The following APOLD1 variants were observed in gnomAD, a reference collection of about 807,000 sequenced individuals.
APOLD1 encodes the protein apolipoprotein L domain containing 1, also known as apolipoprotein L domain-containing protein 1.
A neutral mutation model predicts 15.3 loss-of-function variants in APOLD1; 22 were observed. The ratio of observed to expected loss-of-function variants is 1.44; its 90% CI spans 1.03 to 2.05. The LOEUF is 2.05. Ranked by LOEUF, APOLD1 falls within the 30% of genes most tolerant of loss-of-function variation. The probability of loss-of-function intolerance (pLI) is 0.00; values close to 1 mark genes in which losing one functional copy is unlikely to be tolerated. For missense variants in APOLD1, 394 were observed against 353.5 expected (o/e 1.11, Z -0.92); for synonymous variants, 190 against 167.4 (o/e 1.13, Z -1.04).
intron 1 of APOLD1, among the ~76,000 whole-genome samples, chr12:12,749,653 A>C (rs1274783396): frequency 6.6e-6 from 1 of 152,184 alleles, no homozygotes; most frequent in Admixed American, 6.5e-5. Flanking sequence ...CAATCAGAGC[A>C]ACTGCGGACC....
At chr12:12,745,858 G>C (rs923029958) in intron 1 of APOLD1, among the ~76,000 whole-genome samples, 9 of 152,192 alleles carry the variant, frequency 5.9e-5, no homozygotes, top group Middle Eastern at 3.4e-3. Flanking sequence ...CCGCATGCTT[G>C]CTCTGTACTT....
intron 1 of APOLD1, among the ~76,000 whole-genome samples, chr12:12,754,695 T>G (rs1946842967): frequency 6.6e-6 from 1 of 151,924 alleles, no homozygotes; most frequent in Non-Finnish European, 1.5e-5. Flanking sequence ...CACCCCAAAG[T>G]GCTGGGATTA....
chr12:12,774,192 T>C (rs1392304276), intron 1 of APOLD1, among the ~76,000 whole-genome samples: 2 of 152,126 alleles, frequency 1.3e-5, no homozygotes, highest in Non-Finnish European at 2.9e-5. Flanking sequence ...AAAAGACATA[T>C]TTGATAAAGG....
At position 12,729,000 on chromosome 12, in the gene APOLD1, T is replaced by C. The variant is rs1258735977; in HGVS notation, c.96+2904T>C. On this transcript the variant is annotated intron_variant, in intron 1 of 1. Coordinates refer to the APOLD1 transcript ENST00000326765. ...TACACTAAATTCTGATAATAGGTTCTGATCATCCTGTTTCGTTCCTTTGTT... is the reference window on the plus strand; with the variant it reads ...TACACTAAATTCTGATAATAGGTTCCGATCATCCTGTTTCGTTCCTTTGTT... Among the ~76,000 whole-genome samples the C allele has an allele frequency of 2.6e-5, 4 of 152,356 alleles. No homozygotes were observed. The East Asian group carries it at 7.7e-4, about 29-fold the overall frequency.
chr12:12,729,350 G>T (rs1483396014), intron 1 of APOLD1, among the ~76,000 whole-genome samples: 1 of 111,646 alleles, frequency 9.0e-6, no homozygotes, highest in African/African-American at 3.7e-5. Flanking sequence ...AACCTCAAAG[G>T]ATTTTTAAAA....
At chr12:12,761,421 G>C (rs1946897551) in intron 1 of APOLD1, among the ~76,000 whole-genome samples, 1 of 152,064 alleles carries the variant, frequency 6.6e-6, no homozygotes, top group Non-Finnish European at 1.5e-5. Flanking sequence ...TTGTTCATTA[G>C]TTGTAAGTGT....
At chr12:12,755,480 TGAAA>T (rs1260751728) in intron 1 of APOLD1, among the ~76,000 whole-genome samples, 6 of 152,200 alleles carry the variant, frequency 3.9e-5, no homozygotes, top group African/African-American at 1.4e-4. Flanking sequence ...AGTTACAATC[TGAAA>T]GAAGATATTG....
At chr12:12,768,232 T>C (rs946118466) in intron 1 of APOLD1, among the ~76,000 whole-genome samples, 1 of 152,114 alleles carries the variant, frequency 6.6e-6, no homozygotes, top group Admixed American at 6.5e-5. Flanking sequence ...ATGTAAAAAA[T>C]AGTTACTGGC....
chr12:12,784,628 G>A (rs1271901766), upstream of APOLD1, among the ~76,000 whole-genome samples: 1 of 152,198 alleles, frequency 6.6e-6, no homozygotes, highest in Non-Finnish European at 1.5e-5. Flanking sequence ...AAGCCAGAGA[G>A]TTGAGATAAT....
chr12:12,779,898 T>C (rs1485785438), intron 1 of APOLD1, among the ~76,000 whole-genome samples: 2 of 152,134 alleles, frequency 1.3e-5, no homozygotes, highest in Non-Finnish European at 2.9e-5. Flanking sequence ...GGAATGAAAA[T>C]GGCTGGAGTG....
At chr12:12,770,721 G>C (rs921789483) in intron 1 of APOLD1, among the ~76,000 whole-genome samples, 1 of 150,632 alleles carries the variant, frequency 6.6e-6, no homozygotes, top group Admixed American at 6.6e-5. Context: ...CCCCAAGCCA[G>C]TGTCAGACAC....
At position 12,786,981 on chromosome 12, in the gene APOLD1, G is replaced by A; in HGVS notation, c.76G>A (p.Asp26Asn). The change falls in exon 2 of 2, where the codon GAC (aspartate) becomes AAC (asparagine). Residue 26 changes from aspartate to asparagine, a missense_variant. Coordinates refer to ENST00000356591, the MANE Select transcript of APOLD1 (RefSeq NM_030817.3). ...ALRRFQGLLL[D>N]RRGRLHGQVL... is the part of the protein sequence containing the mutation. Reference sequence around the variant, plus strand: ...GCGGCGCTTCCAGGGACTGCTGCTGGACCGCCGAGGCCGGCTGCACGGCCA... The same window carrying A: ...GCGGCGCTTCCAGGGACTGCTGCTGAACCGCCGAGGCCGGCTGCACGGCCA... 7.0e-7 allele frequency: 1 copy of A among 1,433,988 alleles called. No individual in the cohort carries two copies. Among genetic ancestry groups the A allele is most frequent in the Non-Finnish European group, 9.1e-7 (1 of 1,104,526 alleles). 88.8% of individuals were successfully genotyped at this position (1,433,988 alleles called of 1,614,324 possible).
chr12:12,781,350 A>G (rs1017193559), upstream of APOLD1, among the ~76,000 whole-genome samples: 1 of 152,056 alleles, frequency 6.6e-6, no homozygotes, highest in Non-Finnish European at 1.5e-5. Context: ...AGGCTGAGAC[A>G]GGAGAATTGC....
chr12:12,769,411 T>C (rs958874715), intron 1 of APOLD1, among the ~76,000 whole-genome samples: 7 of 152,112 alleles, frequency 4.6e-5, no homozygotes, highest in African/African-American at 1.7e-4. Flanking sequence ...GAAATCTTCA[T>C]GGGAATCAGT....
intron 1 of APOLD1, among the ~76,000 whole-genome samples, chr12:12,768,344 C>A (rs1432029911): frequency 6.6e-6 from 1 of 151,932 alleles, no homozygotes; most frequent in African/African-American, 2.4e-5. Flanking sequence ...CTTGTAAAAG[C>A]AATTGAGGCT....
chr12:12,777,034 G>A (rs1020509145), intron 1 of APOLD1, among the ~76,000 whole-genome samples: 3 of 152,170 alleles, frequency 2.0e-5, no homozygotes, highest in African/African-American at 4.8e-5. Flanking sequence ...GGTCAAATTA[G>A]GCTAAAATGT....
At chr12:12,728,476 G>A (rs920686392) in intron 1 of APOLD1, among the ~76,000 whole-genome samples, 3 of 151,640 alleles carry the variant, frequency 2.0e-5, no homozygotes, top group African/African-American at 4.9e-5. Context: ...GACCAGCCTG[G>A]GCAACATGGT....
intron 1 of APOLD1, among the ~76,000 whole-genome samples, chr12:12,777,441 T>C (rs1450269634): frequency 6.6e-6 from 1 of 152,238 alleles, no homozygotes; most frequent in Non-Finnish European, 1.5e-5. Context: ...TGTTCAAGTA[T>C]GTGTTCCCTC....
At chr12:12,765,756 G>C (rs184591688) in intron 1 of APOLD1, among the ~76,000 whole-genome samples, 104 of 152,316 alleles carry the variant, frequency 6.8e-4, no homozygotes, top group African/African-American at 2.3e-3. Flanking sequence ...TATAGTCCCA[G>C]CTTCTCAGGA....
Sources: allele counts gnomAD v4.1 joint callset (sites outside exome capture counted in the v4.1 genomes callset), GRCh38; gene constraint gnomAD v4.1.1; transcripts MANE v1.5; gene names NCBI Gene and HGNC (gene_info 2026-07-23, HGNC 2026-07-21).